Variants in FBXO4 observed in about 807,000 individuals in gnomAD.
FBXO4 encodes the protein F-box only protein 4.
FBXO4 carries 36 observed loss-of-function variants against 43.7 expected under a neutral mutation model. The ratio of observed to expected loss-of-function variants is 0.82; its 90% CI spans 0.63 to 1.09. The LOEUF is 1.09. Among genes scored for constraint, FBXO4 ranks in the 50% least tolerant of loss-of-function variants. The pLI, the probability that FBXO4 is intolerant of heterozygous loss-of-function variation, is 0.00. For missense variants in FBXO4, 435 were observed against 474.1 expected (o/e 0.92, Z 0.77); for synonymous variants, 180 against 165.6 (o/e 1.09, Z -0.67).
chr5:41,995,574 A>G, the FBXO4 span, among the ~76,000 whole-genome samples: 3 of 152,174 alleles, frequency 2.0e-5, no homozygotes, highest in African/African-American at 7.2e-5. Flanking sequence ...CCATTGGGTG[A>G]TGACAGGGGT....
intron 6 of FBXO4, 141 bp downstream of exon 6, chr5:41,939,757 A>G (rs1361635435): frequency 4.3e-6 from 2 of 463,182 alleles, no homozygotes; most frequent in Non-Finnish European, 7.0e-6. Flanking sequence ...AAGCTATTTG[A>G]TTGGTGATAA....
At chr5:41,995,554 G>T in the FBXO4 span, among the ~76,000 whole-genome samples, 2 of 152,178 alleles carry the variant, frequency 1.3e-5, no homozygotes, top group East Asian at 3.9e-4. Flanking sequence ...TGGCCACTTT[G>T]TTCATGGGCC....
chr5:41,934,388 G>T (rs1751794222), intron 5 of FBXO4, 80 bp downstream of exon 5: 2 of 1,583,910 alleles, frequency 1.3e-6, no homozygotes, highest in Non-Finnish European at 1.7e-6. Flanking sequence ...CTTTACTGTG[G>T]CTTCTTAAGA....
chr5:41,989,553 C>T, the FBXO4 span, among the ~76,000 whole-genome samples: 1 of 152,060 alleles, frequency 6.6e-6, no homozygotes, highest in Non-Finnish European at 1.5e-5. Context: ...ATATATTTGC[C>T]TTGGAATATT....
At chr5:41,968,663 T>G in the FBXO4 span, among the ~76,000 whole-genome samples, 1 of 152,216 alleles carries the variant, frequency 6.6e-6, no homozygotes, top group South Asian at 2.1e-4. Context: ...TATGAAATGA[T>G]TAAACACCTT....
the FBXO4 span, among the ~76,000 whole-genome samples, chr5:42,008,087 G>A: frequency 1.3e-5 from 2 of 152,254 alleles, no homozygotes; most frequent in South Asian, 4.1e-4. Context: ...TTACCATTAA[G>A]TTATTGCTAA....
chr5:41,958,883 T>G, the FBXO4 span, among the ~76,000 whole-genome samples: 1 of 152,228 alleles, frequency 6.6e-6, no homozygotes, highest in Non-Finnish European at 1.5e-5. Context: ...CTCTTTGACA[T>G]ACTGATTTCA....
the FBXO4 span, among the ~76,000 whole-genome samples, chr5:41,948,435 A>G: frequency 0.08 from 12,102 of 152,182 alleles, 694 homozygotes; most frequent in African/African-American, 0.16. Context: ...GCGCCTGGCC[A>G]CTAGTGGCTA....
the FBXO4 span, among the ~76,000 whole-genome samples, chr5:41,999,478 CACATATATATATATACAT>C: frequency 3.6e-5 from 1 of 27,884 alleles, no homozygotes; most frequent in Non-Finnish European, 1.1e-4. Context: ...TATATATATA[CACATATATATATATACAT>C]ATATATATGT....
chr5:41,966,985 T>C, the FBXO4 span, among the ~76,000 whole-genome samples: 1 of 152,292 alleles, frequency 6.6e-6, no homozygotes, highest in South Asian at 2.1e-4. Flanking sequence ...TGCAGAGCTA[T>C]GTCACACACA....
the FBXO4 span, among the ~76,000 whole-genome samples, chr5:41,969,001 T>C: frequency 6.6e-6 from 1 of 152,230 alleles, no homozygotes; most frequent in African/African-American, 2.4e-5. Flanking sequence ...TTCTTATCTA[T>C]AAAGTTCCAA....
At chr5:41,984,833 A>C in the FBXO4 span, among the ~76,000 whole-genome samples, 1,315 of 151,912 alleles carry the variant, frequency 8.7e-3, 28 homozygotes, top group African/African-American at 0.03. Context: ...TATGCATGAA[A>C]ACTCCAGGGT....
chr5:41,978,760 C>A, the FBXO4 span, among the ~76,000 whole-genome samples: 3 of 152,104 alleles, frequency 2.0e-5, no homozygotes, highest in Admixed American at 2.0e-4. Context: ...AAAACTTAAG[C>A]TCAAGTCTTT....
At chr5:41,961,796 C>G in the FBXO4 span, among the ~76,000 whole-genome samples, 4 of 152,078 alleles carry the variant, frequency 2.6e-5, no homozygotes, top group Admixed American at 2.6e-4. Context: ...AGACACATCT[C>G]CTTTTCTGGC....
chr5:41,999,465 G>GTGTGTATA, the FBXO4 span, among the ~76,000 whole-genome samples: 4 of 65,292 alleles, frequency 6.1e-5, no homozygotes, highest in African/African-American at 2.2e-4. Flanking sequence ...GTGTGTGTGT[G>GTGTGTATA]TATATATATA....
chr5:41,962,555 G>A, the FBXO4 span, among the ~76,000 whole-genome samples: 1 of 152,178 alleles, frequency 6.6e-6, no homozygotes, highest in Non-Finnish European at 1.5e-5. Flanking sequence ...GTAAAGCCCA[G>A]AGGGTTTATC....
At chr5:41,996,917 T>C in the FBXO4 span, among the ~76,000 whole-genome samples, 1 of 152,228 alleles carries the variant, frequency 6.6e-6, no homozygotes. Flanking sequence ...TTGCTACTTC[T>C]TGCTCACTGG....
chr5:41,956,127 AG>A, the FBXO4 span, among the ~76,000 whole-genome samples: 2 of 152,240 alleles, frequency 1.3e-5, no homozygotes, highest in African/African-American at 4.8e-5. Flanking sequence ...TATAAGCAGG[AG>A]AAAACCTATC....
intron 3 of FBXO4, among the ~76,000 whole-genome samples, 155 bp from the exon 4 acceptor site, chr5:41,933,786 GGTATC>G (rs1751763763): frequency 6.6e-6 from 1 of 151,804 alleles, no homozygotes; most frequent in Non-Finnish European, 1.5e-5. Flanking sequence ...AGTTACATAC[GGTATC>G]TTTTCTTCAA....
Sources: gnomAD v4.1 joint callset for allele counts (sites outside exome capture counted in the v4.1 genomes callset) on GRCh38, gnomAD v4.1.1 for gene constraint, MANE v1.5 for transcripts, NCBI Gene and HGNC (gene_info 2026-07-23, HGNC 2026-07-21) for gene names.